FSIP2: variants seen among roughly 807,000 people sequenced by gnomAD.
FSIP2 encodes fibrous sheath interacting protein 2, also known as fibrous sheath-interacting protein 2.
A neutral mutation model predicts 510.5 loss-of-function variants in FSIP2; 367 were observed. The ratio of observed to expected loss-of-function variants is 0.72; its 90% confidence interval spans 0.66 to 0.78. The LOEUF (loss-of-function observed/expected upper bound fraction) is 0.78, where lower values mean the gene tolerates loss of function less well. FSIP2 is among the 30% of genes least tolerant of loss of function. The pLI, the probability that FSIP2 is intolerant of heterozygous loss-of-function variation, is 0.00. For synonymous variants in FSIP2, 2,601 were observed against 2,732.2 expected, an observed-to-expected ratio of 0.95 and a Z score of 1.50; for missense variants, 7,594 against 7,901.7, an observed-to-expected ratio of 0.96 and a Z score of 1.48.
chr2:185,828,153 C>T lies in FSIP2; in HGVS notation c.20474-3C>T. ...TTTACTTTTTTTTTTTTAATCTCTA[C>T]AGAAAGTTCTCAGGAACAAAAGCCA... On this transcript the variant is annotated splice_region_variant and splice_polypyrimidine_tract_variant and intron_variant, in intron 20 of 22. Coordinates refer to ENST00000424728, the MANE Select transcript of FSIP2 (RefSeq NM_173651.4). 1.9e-6 allele frequency: 3 copies of T among 1,547,874 alleles called. No individual in the cohort carries two copies. Among genetic ancestry groups the T allele is most frequent in the Admixed American group, 1.7e-5 (1 of 58,716 alleles).
chr2:185,809,886 T>C (rs1251924519), intron 17 of FSIP2, among the ~76,000 whole-genome samples: 4 of 152,202 alleles, frequency 2.6e-5, no homozygotes, highest in Middle Eastern at 6.8e-3. Context: ...AAAAATAATG[T>C]CCTTATTACA....
chr2:185,804,087 T>G lies in FSIP2; in HGVS notation c.14781T>G (p.Tyr4927Ter). 6.5e-7 allele frequency: 1 copy of G among 1,527,996 alleles called. No individual in the cohort carries two copies. The highest frequency in any genetic ancestry group is 8.8e-7 in the Non-Finnish European group (1 of 1,142,372). 94.7% of individuals were successfully genotyped at this position (1,527,996 alleles called of 1,614,324 possible). The part of the protein sequence containing the change: ...TLLLAAVDQT[Y>*]KLKAIDPKQR... ...TTTTGGCAGCAGTTGATCAAACTTA[T>G]AAATTGAAAGCAATAGATCCTAAAC... Residue 4927 changes from tyrosine (Y) to a stop codon, truncating the protein, a stop_gained, in exon 17 of 23, where the codon TAT becomes TAG. Coordinates refer to ENST00000424728, the MANE Select transcript of FSIP2 (RefSeq NM_173651.4). LOFTEE classifies it high-confidence loss of function.
intron 13 of FSIP2, chr2:185,765,232 C>T (rs991524595): frequency 3.9e-5 from 6 of 151,960 alleles, no homozygotes; most frequent in Non-Finnish European, 8.8e-5. Context: ...GAATCATATA[C>T]AACTTGATAT....
At position 185,788,854 on chromosome 2, in the gene FSIP2, C is replaced by A; in HGVS notation, c.1718C>A (p.Ser573Tyr). ...SEDFTYRSYT[S>Y]ATTKTFQAEP... Reference sequence around the variant, plus strand: ...GACTTTACATATAGAAGCTACACATCTGCAACAACTAAAACATTTCAGGCA... The same window carrying A: ...GACTTTACATATAGAAGCTACACATATGCAACAACTAAAACATTTCAGGCA... The change falls in exon 16 of 23, where the codon TCT (serine) becomes TAT (tyrosine). Residue 573 changes from serine (S) to tyrosine (Y), a missense_variant. Coordinates refer to ENST00000424728, the MANE Select transcript of FSIP2 (RefSeq NM_173651.4). 4 of 1,534,800 alleles carry A rather than the reference C, an allele frequency of 2.6e-6. No individual in the cohort carries two copies. The highest frequency in any genetic ancestry group is 3.5e-6 in the Non-Finnish European group (4 of 1,145,958).
intron 21 of FSIP2, 90 bp from the exon 22 acceptor site, chr2:185,831,723 G>A (rs565541621): frequency 4.1e-5 from 32 of 783,644 alleles, no homozygotes; most frequent in African/African-American, 3.2e-4. Flanking sequence ...GGTATTTATA[G>A]GTATATCTAG....
chr2:185,784,584 G>A (rs759894210), intron 14 of FSIP2, among the ~76,000 whole-genome samples: 8 of 152,032 alleles, frequency 5.3e-5, no homozygotes, highest in Non-Finnish European at 1.0e-4. Flanking sequence ...AACATTTATT[G>A]AGAACCTACT....
Position 185,806,786 on chromosome 2 carries a change from C to G in FSIP2, c.17480C>G (p.Thr5827Ser). The change falls in exon 17 of 23, where the codon ACT becomes AGT. Residue 5827 changes from threonine to serine, a missense_variant. Coordinates refer to ENST00000424728, the MANE Select transcript of FSIP2 (RefSeq NM_173651.4). ...DKQNQAKLYD[T>S]AMKLINSLLK... ...CAAAATCAAGCCAAACTCTATGACA[C>G]TGCTATGAAACTCATCAATTCACTG... 6.2e-7 allele frequency: 1 copy of G among 1,611,862 alleles called. No homozygotes were observed. The highest frequency in any genetic ancestry group is 1.1e-5 in the South Asian group (1 of 90,980).
At chr2:185,824,865 A>G (rs1034904565) in intron 20 of FSIP2, among the ~76,000 whole-genome samples, 2 of 151,818 alleles carry the variant, frequency 1.3e-5, no homozygotes, top group East Asian at 3.9e-4. Flanking sequence ...TTATTCCCTC[A>G]TATTAAAATC....
chr2:185,745,150 C>T, intron 4 of FSIP2: 1 of 210,876 alleles, frequency 4.7e-6, no homozygotes, highest in Non-Finnish European at 9.3e-6. Context: ...CTGTATTTTC[C>T]CCACTTCATT....
Position 185,813,968 on chromosome 2 carries a change from G to A in FSIP2, c.20251G>A (p.Glu6751Lys), listed in dbSNP as rs1574203573. ...GACACATGTTAAAAGAGCTGTTGCTGAGCTTGACATGGCCACACCAAAGAC... is the reference window on the plus strand; with the variant it reads ...GACACATGTTAAAAGAGCTGTTGCTAAGCTTGACATGGCCACACCAAAGAC... ...KETHVKRAVA[E>K]LDMATPKTMP... The change falls in exon 18 of 23, where the codon GAG (glutamate) becomes AAG (lysine). Residue 6751 changes from glutamate (E) to lysine (K), a missense_variant. Physicochemically the swap from Glu to Lys is moderately conservative, Grantham distance 56 (BLOSUM62 1). Transcript: ENST00000424728. The A allele has an allele frequency of 1.2e-6, 2 of 1,613,508 alleles. No homozygotes were observed. The highest frequency in any genetic ancestry group is 1.7e-6 in the Non-Finnish European group (2 of 1,179,668).
At position 185,803,465 on chromosome 2, in the gene FSIP2, T is replaced by G; in HGVS notation, c.14159T>G (p.Leu4720Arg). The change falls in exon 17 of 23, where the codon CTA (leucine) becomes CGA (arginine). Residue 4720 changes from leucine (L) to arginine (R), a missense_variant. Coordinates refer to ENST00000424728, the MANE Select transcript of FSIP2 (RefSeq NM_173651.4). ...EMEVVPNKDFLNDTKTLAARI... is the reference protein window; with the variant it reads ...EMEVVPNKDFRNDTKTLAARI... Reference sequence around the variant, plus strand: ...GAAGTCGTGCCCAATAAAGATTTTCTAAATGACACAAAGACATTGGCTGCA... The same window carrying G: ...GAAGTCGTGCCCAATAAAGATTTTCGAAATGACACAAAGACATTGGCTGCA... 1 of 1,528,820 alleles carries G rather than the reference T, an allele frequency of 6.5e-7. No individual in the cohort carries two copies. Among genetic ancestry groups the G allele is most frequent in the Non-Finnish European group, 8.7e-7 (1 of 1,143,462 alleles). 94.7% of individuals were successfully genotyped at this position (1,528,820 alleles called of 1,614,324 possible). A position where few individuals can be genotyped will look rare whatever the true frequency, so the allele number is the denominator to read the frequency against.
rs1434913114 is a variant in FSIP2, at chr2:185,791,214, T to A, written c.4078T>A (p.Cys1360Ser). The A allele has an allele frequency of 6.5e-7, 1 of 1,533,776 alleles. No individual in the cohort carries two copies. The highest frequency in any genetic ancestry group is 8.7e-7 in the Non-Finnish European group (1 of 1,145,322). ...DDILASPLLTCIYDMLLSSEN... is the reference protein window; with the variant it reads ...DDILASPLLTSIYDMLLSSEN... ...CATTTTGGCGAGTCCATTATTAACC[T>A]GTATTTATGATATGTTGTTATCAAG... Residue 1360 changes from cysteine to serine, a missense_variant, in exon 16 of 23, where the codon TGT becomes AGT. By Grantham distance (112) the Cys-to-Ser change is moderately radical (BLOSUM62 -1). Coordinates refer to ENST00000424728, the MANE Select transcript of FSIP2 (RefSeq NM_173651.4).
chr2:185,802,768 G>T lies in FSIP2; in HGVS notation c.13462G>T (p.Val4488Phe), dbSNP rs1160659712. ...SKLFSSASSL[V>F]LNRDTQKDIS... is the part of the protein sequence containing the mutation. ...ATTATTTTCTTCTGCATCTAGCCTG[G>T]TTCTAAACAGAGACACCCAAAAAGA... The change falls in exon 17 of 23, where the codon GTT becomes TTT. Residue 4488 changes from valine to phenylalanine, a missense_variant. Physicochemically the swap from Val to Phe is conservative, Grantham distance 50 (BLOSUM62 -1). Coordinates refer to ENST00000424728, the MANE Select transcript of FSIP2 (RefSeq NM_173651.4). 2 of 1,516,390 alleles carry T rather than the reference G, an allele frequency of 1.3e-6. No homozygotes were observed. Among genetic ancestry groups the T allele is most frequent in the African/African-American group, 1.4e-5 (1 of 71,796 alleles). 93.9% of individuals were successfully genotyped at this position (1,516,390 alleles called of 1,614,324 possible). A position where few individuals can be genotyped will look rare whatever the true frequency, so the allele number is the denominator to read the frequency against.
chr2:185,792,552 A>T lies in FSIP2; in HGVS notation c.5416A>T (p.Asn1806Tyr). ...QLNVLSLSHS[N>Y]FNGMPHNVDE... ...AAATGTCCTTTCTCTCTCCCACTCT[A>T]ATTTTAATGGCATGCCTCACAATGT... The change falls in exon 16 of 23, where the codon AAT becomes TAT. Residue 1806 changes from asparagine (N) to tyrosine (Y), a missense_variant. By Grantham distance (143) the Asn-to-Tyr change is moderately radical (BLOSUM62 -2). Transcript: ENST00000424728. 1 of 1,532,560 alleles carries T rather than the reference A, an allele frequency of 6.5e-7. No individual in the cohort carries two copies. Among genetic ancestry groups the T allele is most frequent in the Non-Finnish European group, 8.7e-7 (1 of 1,144,338 alleles). The allele number at this position is 1,532,560 out of a possible 1,614,324, so 94.9% of individuals were successfully genotyped here.
At chr2:185,758,373 C>G (rs2105552182) in intron 9 of FSIP2, among the ~76,000 whole-genome samples, 1 of 151,128 alleles carries the variant, frequency 6.6e-6, no homozygotes, top group African/African-American at 2.4e-5. Context: ...CTTTTGGCTC[C>G]CCAGAAACTT....
intron 13 of FSIP2, among the ~76,000 whole-genome samples, chr2:185,780,987 T>TATC (rs147686228): frequency 0.015 from 2,322 of 152,172 alleles, 56 homozygotes; most frequent in African/African-American, 0.053. Context: ...CATATAATTT[T>TATC]ATCTTCTCCT....
chr2:185,814,547 A>G (rs1219909699), intron 18 of FSIP2, among the ~76,000 whole-genome samples: 1 of 152,066 alleles, frequency 6.6e-6, no homozygotes, highest in African/African-American at 2.4e-5. Flanking sequence ...GTTAATTCAT[A>G]TATTTTAAAT....
rs1171019780 is a variant in FSIP2 at position 185,793,744 on chromosome 2, A to G, written c.6608A>G (p.Lys2203Arg). ...AAAATAGACTGTCAACAGCCTCTTA[A>G]GGGGTCAAAAACTGAAAGAAAAACA... ...FPKIDCQQPL[K>R]GSKTERKTER... Residue 2203 changes from lysine to arginine, a missense_variant, in exon 16 of 23, where the codon AAG becomes AGG. Coordinates refer to ENST00000424728, the MANE Select transcript of FSIP2 (RefSeq NM_173651.4). 6.5e-7 allele frequency: 1 copy of G among 1,533,934 alleles called. No homozygotes were observed. The highest frequency in any genetic ancestry group is 1.4e-5 in the African/African-American group (1 of 72,812).
chr2:185,810,381 C>A (rs1448926026), intron 17 of FSIP2, among the ~76,000 whole-genome samples: 2 of 151,848 alleles, frequency 1.3e-5, no homozygotes, highest in Non-Finnish European at 2.9e-5. Flanking sequence ...GCACCCTGCC[C>A]AACACATACA....
Sources: allele counts gnomAD v4.1 joint callset (sites outside exome capture counted in the v4.1 genomes callset), GRCh38; gene constraint gnomAD v4.1.1; transcripts MANE v1.5; gene names NCBI Gene and HGNC (gene_info 2026-07-23, HGNC 2026-07-21).